EPS8: variants seen among roughly 807,000 people sequenced by gnomAD.
EPS8 encodes EGFR pathway substrate 8, signaling adaptor.
In EPS8, 42 loss-of-function variants were observed where a neutral mutation model predicts 103.8. That is an observed-to-expected ratio of 0.40 (90% CI 0.32 to 0.52). The LOEUF (loss-of-function observed/expected upper bound fraction) is 0.52, where lower values mean the gene tolerates loss of function less well. Ranked by LOEUF, EPS8 falls within the 20% of genes least tolerant of loss-of-function variation. The pLI, the probability that EPS8 is intolerant of heterozygous loss-of-function variation, is 0.40. For missense variants in EPS8, 969 were observed against 1,005.1 expected, an observed-to-expected ratio of 0.96 and a Z score of 0.49; for synonymous variants, 344 against 344.6, an observed-to-expected ratio of 1.00 and a Z score of 0.02.
intron 3 of EPS8, among the ~76,000 whole-genome samples, chr12:15,679,476 A>C (rs1490964061): frequency 6.6e-6 from 1 of 152,212 alleles, no homozygotes; most frequent in Non-Finnish European, 1.5e-5. Context: ...CTATGCCAGT[A>C]AGCACAGGGA....
chr12:15,643,599 C>G (rs1393552741), intron 15 of EPS8, among the ~76,000 whole-genome samples: 1 of 151,928 alleles, frequency 6.6e-6, no homozygotes, highest in African/African-American at 2.4e-5. Flanking sequence ...ATTAGCTGGG[C>G]ACGGTGGCAC....
In EPS8 at chr12:15,771,403, G is replaced by C. The variant is rs780117245; in HGVS notation, c.-22+17758C>G. 3.3e-5 allele frequency among the ~76,000 whole-genome samples: 5 copies of C among 152,184 alleles called. No individual in the cohort carries two copies. The highest frequency in any genetic ancestry group is 5.9e-5 in the Non-Finnish European group (4 of 68,040). Reference sequence around the variant, plus strand: ...TTAAAGCAATGGACTGACATCATCTGAACTCAGCTTTAGCAAGACTGATCT... The same window carrying C: ...TTAAAGCAATGGACTGACATCATCTCAACTCAGCTTTAGCAAGACTGATCT... On this transcript the variant is annotated intron_variant, in intron 1 of 20. Coordinates refer to ENST00000281172, the MANE Select transcript of EPS8 (RefSeq NM_004447.6). This position sits in a 1 kb window ranked among gnomAD's most constrained non-coding sequence, Gnocchi z 4.6.
At position 15,727,215 on chromosome 12, in the gene EPS8, C is replaced by G. The variant is rs1429507202; in HGVS notation, c.-21-44243G>C. On this transcript the variant is annotated intron_variant, in intron 1 of 20. Transcript: ENST00000281172. This position sits in a 1 kb window ranked among gnomAD's most constrained non-coding sequence, Gnocchi z 4.3. The stretch of plus-strand genomic sequence containing the variant: ...TGGGCACCTGGGGTTCTGATTACTT[C>G]CCTCGTGGATTTAATATCTACCTTT... 1.3e-5 allele frequency among the ~76,000 whole-genome samples: 2 copies of G among 152,144 alleles called. No homozygotes were observed. The highest frequency in any genetic ancestry group is 6.5e-5 in the Admixed American group (1 of 15,274).
chr12:15,763,616 A>C (rs1304241669), intron 1 of EPS8, among the ~76,000 whole-genome samples: 2 of 152,220 alleles, frequency 1.3e-5, no homozygotes, highest in Non-Finnish European at 2.9e-5. Context: ...GTATTTATAA[A>C]GAAAAGTATG....
intron 1 of EPS8, among the ~76,000 whole-genome samples, chr12:15,774,011 G>A (rs1183321554): frequency 2.0e-5 from 3 of 151,960 alleles, no homozygotes; most frequent in Non-Finnish European, 4.4e-5. Context: ...GGATAGTCGA[G>A]CAAATGTCAC....
At position 15,683,937 on chromosome 12, in the gene EPS8, C is replaced by T. The variant is rs568468873; in HGVS notation, c.-21-965G>A. 4 of 152,270 alleles carry T rather than the reference C, an allele frequency of 2.6e-5. No homozygotes were observed. The South Asian group carries it at 8.3e-4, about 32-fold the overall frequency. 9.4% of individuals were successfully genotyped at this position (152,270 alleles called of 1,614,324 possible). A position where few individuals can be genotyped will look rare whatever the true frequency, so the allele number is the denominator to read the frequency against. On this transcript the variant is annotated intron_variant, in intron 1 of 20. Coordinates refer to ENST00000281172, the MANE Select transcript of EPS8 (RefSeq NM_004447.6). ...GTGAGTTAGGCAGGACATACCCCAG[C>T]TTTATGGGCCAAGGGGGTGAAAGCA...
chr12:15,652,825 T>C (rs1244264470), intron 13 of EPS8, among the ~76,000 whole-genome samples: 2 of 152,048 alleles, frequency 1.3e-5, no homozygotes, highest in Admixed American at 6.6e-5. Context: ...TATGTTTCAA[T>C]AGGAGAAAAA....
In EPS8 at chr12:15,725,072, G is replaced by GAA. The variant is rs896507384; in HGVS notation, c.-21-42102_-21-42101dup. ...CACTCACTCCTAGGTATCTTGTTAG[G>GAA]AAAAAAAAAAATCCACTTTCTTTTT... On this transcript the variant is annotated intron_variant, in intron 1 of 20. Coordinates refer to ENST00000281172, the MANE Select transcript of EPS8 (RefSeq NM_004447.6). This position sits in a 1 kb window ranked among gnomAD's most constrained non-coding sequence, Gnocchi z 4.5. 1.7e-3 allele frequency among the ~76,000 whole-genome samples: 245 copies of GAA among 145,870 alleles called. 2 individuals are homozygous for GAA. Among genetic ancestry groups the GAA allele is most frequent in the African/African-American group, 5.9e-3 (236 of 39,940 alleles).
Position 15,621,218 on chromosome 12 carries a change from A to T in EPS8, c.*99T>A. The T allele has an allele frequency of 1.7e-6, 1 of 583,318 alleles. No homozygotes were observed. Among genetic ancestry groups the T allele is most frequent in the Middle Eastern group, 3.9e-4 (1 of 2,534 alleles). The allele number at this position is 583,318 out of a possible 1,614,324, so 36.1% of individuals were successfully genotyped here. Reference sequence around the variant, plus strand: ...GTTTTTTTTTATGGTGATAAATTACATCAAGAAAAATGAATCTGACATTCC... The same window carrying T: ...GTTTTTTTTTATGGTGATAAATTACTTCAAGAAAAATGAATCTGACATTCC... On this transcript the variant is annotated 3_prime_UTR_variant, in exon 21 of 21. Coordinates refer to ENST00000281172, the MANE Select transcript of EPS8 (RefSeq NM_004447.6).
Position 15,660,760 on chromosome 12 carries a change from A to C in EPS8, c.811-20T>G. 7.2e-7 allele frequency: 1 copy of C among 1,398,524 alleles called. No homozygotes were observed. The highest frequency in any genetic ancestry group is 1.0e-6 in the Non-Finnish European group (1 of 998,764). The allele number at this position is 1,398,524 out of a possible 1,614,324, so 86.6% of individuals were successfully genotyped here. A position where few individuals can be genotyped will look rare whatever the true frequency, so the allele number is the denominator to read the frequency against. ...GATTTGCTGAAATTAGAAATTATAGAATAAAATATAAAACAAAACTATTTT... is the reference window on the plus strand; with the variant it reads ...GATTTGCTGAAATTAGAAATTATAGCATAAAATATAAAACAAAACTATTTT... On this transcript the variant is annotated intron_variant, in intron 9 of 20. Coordinates refer to ENST00000281172, the MANE Select transcript of EPS8 (RefSeq NM_004447.6).
At chr12:15,729,145 T>A (rs1253160934) in intron 1 of EPS8, among the ~76,000 whole-genome samples, 1 of 152,154 alleles carries the variant, frequency 6.6e-6, no homozygotes, top group African/African-American at 2.4e-5. Context: ...AAAGGTAAGG[T>A]GAAGTCACCC....
At chr12:15,650,012 C>T (rs1173446044) in intron 14 of EPS8, among the ~76,000 whole-genome samples, 1 of 152,076 alleles carries the variant, frequency 6.6e-6, no homozygotes, top group African/African-American at 2.4e-5. Flanking sequence ...TGTGTTTGGT[C>T]CAGCTTTAAT....
rs747677497 is a variant in EPS8 at position 15,752,949 on chromosome 12, A to G, written c.-22+36212T>C. Among the ~76,000 whole-genome samples the G allele has an allele frequency of 2.5e-4, 38 of 151,934 alleles. No individual in the cohort carries two copies. Among genetic ancestry groups the G allele is most frequent in the Non-Finnish European group, 4.6e-4 (31 of 68,008 alleles). On this transcript the variant is annotated intron_variant, in intron 1 of 20. Coordinates refer to ENST00000281172, the MANE Select transcript of EPS8 (RefSeq NM_004447.6). This position sits in a 1 kb window ranked among gnomAD's most constrained non-coding sequence, Gnocchi z 4.4. ...TTAGTTGCATCATTTCAGTTACATT[A>G]TGGTAAAAGGGGCAATTGTGGGATA...
intron 1 of EPS8, among the ~76,000 whole-genome samples, chr12:15,770,365 A>C (rs1483692866): frequency 1.3e-5 from 2 of 151,938 alleles, no homozygotes; most frequent in African/African-American, 4.8e-5. Context: ...CATACTATTA[A>C]AAATATTTAT....
At chr12:15,680,682 C>T (rs576588189) in intron 3 of EPS8, among the ~76,000 whole-genome samples, 1 of 152,222 alleles carries the variant, frequency 6.6e-6, no homozygotes, top group Admixed American at 6.5e-5. Context: ...GAGTCCTCGA[C>T]TTCTTGTTAC....
chr12:15,624,200 T>A (rs765474031), intron 19 of EPS8, 27 bp downstream of exon 19: 2 of 1,591,498 alleles, frequency 1.3e-6, no homozygotes, highest in Admixed American at 3.4e-5. Flanking sequence ...ACACACAGAA[T>A]TGCAAAGTAT....
At chr12:15,740,603 G>A (rs961249787) in intron 1 of EPS8, among the ~76,000 whole-genome samples, 1 of 147,762 alleles carries the variant, frequency 6.8e-6, no homozygotes, top group African/African-American at 2.5e-5. Context: ...AAATAAATAG[G>A]AAGTTCCTGA....
chr12:15,704,912 A>G lies in EPS8; in HGVS notation c.-21-21940T>C, dbSNP rs868106620. Among the ~76,000 whole-genome samples the G allele has an allele frequency of 3.2e-4, 49 of 152,018 alleles. No individual in the cohort carries two copies. The highest frequency in any genetic ancestry group is 8.8e-5 in the Non-Finnish European group (6 of 67,954). On this transcript the variant is annotated intron_variant, in intron 1 of 20. Coordinates refer to ENST00000281172, the MANE Select transcript of EPS8 (RefSeq NM_004447.6). This position sits in a 1 kb window ranked among gnomAD's most constrained non-coding sequence, Gnocchi z 4.6. Reference sequence around the variant, plus strand: ...ATTTCCTTGGCATGCGTGCGCATGCACACACACACACAAAAAACTGTCCTT... The same window carrying G: ...ATTTCCTTGGCATGCGTGCGCATGCGCACACACACACAAAAAACTGTCCTT...
intron 1 of EPS8, among the ~76,000 whole-genome samples, chr12:15,732,315 T>C (rs1262467912): frequency 6.6e-6 from 1 of 152,154 alleles, no homozygotes; most frequent in Non-Finnish European, 1.5e-5. Context: ...CAAAACTCCC[T>C]TTAGGTTTTC....
Sources: allele counts gnomAD v4.1 joint callset (sites outside exome capture counted in the v4.1 genomes callset), GRCh38; gene constraint gnomAD v4.1.1; non-coding constraint Gnocchi (gnomAD v3.1); transcripts MANE v1.5; gene names NCBI Gene and HGNC (gene_info 2026-07-23, HGNC 2026-07-21).